Variants in CSMD1 observed in about 807,000 individuals in gnomAD.
CSMD1 encodes the protein CUB and Sushi multiple domains 1.
CSMD1 carries 213 observed loss-of-function variants against 417.5 expected under a neutral mutation model. That is an observed-to-expected ratio of 0.51 (90% CI 0.46 to 0.57). CSMD1 has a LOEUF of 0.57. Ranked by LOEUF, CSMD1 falls within the 20% of genes least tolerant of loss-of-function variation. The pLI is 0.00. For synonymous variants in CSMD1, 2,862 were observed against 1,736.8 expected (o/e 1.65, Z -16.11); for missense variants, 6,923 against 4,529.7 (o/e 1.53, Z -15.17).
intron 11 of CSMD1, among the ~76,000 whole-genome samples, chr8:3,486,181 C>A (rs534896770): frequency 6.6e-6 from 1 of 152,174 alleles, no homozygotes; most frequent in South Asian, 2.1e-4. Flanking sequence ...TGGCAGAACT[C>A]TGGATGTTTT....
chr8:4,690,929 A>T (rs527690742), intron 1 of CSMD1, among the ~76,000 whole-genome samples: 33 of 152,244 alleles, frequency 2.2e-4, no homozygotes, highest in Admixed American at 2.0e-3. Flanking sequence ...GGGTTTCACC[A>T]TGTTGGCCAG....
At chr8:4,754,885 T>C (rs28658368) in intron 1 of CSMD1, among the ~76,000 whole-genome samples, 1,886 of 151,374 alleles carry the variant, frequency 0.012, 29 homozygotes, top group African/African-American at 0.044. Context: ...ACACCTGTAA[T>C]CCAAGCACTT....
At chr8:3,926,216 GTTGAT>G (rs1809716343) in intron 5 of CSMD1, among the ~76,000 whole-genome samples, 2 of 152,008 alleles carry the variant, frequency 1.3e-5, no homozygotes, top group African/African-American at 2.4e-5. Context: ...AATAACGTAT[GTTGAT>G]TTATTTCCTC....
Position 4,374,961 on chromosome 8 carries a change from T to TGGGTGG in CSMD1, c.415+44991_415+44992insCCACCC, listed in dbSNP as rs1554450668. On this transcript the variant is annotated intron_variant, in intron 3 of 69. Transcript: ENST00000635120. ...AATGATTAAACAGACAAAGGTGGGG[T>TGGGTGG]GGGGGGGGGGGGCGATAGTGGGGGT... is the stretch of plus-strand genomic sequence containing the variant. 7.4e-3 allele frequency among the ~76,000 whole-genome samples: 140 copies of TGGGTGG among 18,856 alleles called. 5 individuals are homozygous for TGGGTGG. The highest frequency in any genetic ancestry group is 0.035 in the African/African-American group (113 of 3,274). The allele number at this position is 18,856 out of a possible 152,430, so 12.4% of individuals were successfully genotyped here. A position where few individuals can be genotyped will look rare whatever the true frequency, so the allele number is the denominator to read the frequency against.
At chr8:4,428,122 T>G (rs1481632723) in intron 2 of CSMD1, among the ~76,000 whole-genome samples, 2 of 152,152 alleles carry the variant, frequency 1.3e-5, no homozygotes, top group Admixed American at 6.6e-5. Context: ...CTGATGCCTG[T>G]TTTCCTCCTC....
At chr8:4,569,091 C>A (rs1453634939) in intron 2 of CSMD1, among the ~76,000 whole-genome samples, 1 of 151,936 alleles carries the variant, frequency 6.6e-6, no homozygotes, top group Non-Finnish European at 1.5e-5. Context: ...TCACTGTTCA[C>A]TGTGATGATA....
intron 1 of CSMD1, among the ~76,000 whole-genome samples, chr8:4,688,046 T>C (rs917351654): frequency 6.6e-6 from 1 of 152,202 alleles, no homozygotes; most frequent in African/African-American, 2.4e-5. Context: ...TGATATCTAA[T>C]TGATTGCCCT....
At chr8:4,330,978 T>C (rs370710662) in intron 3 of CSMD1, among the ~76,000 whole-genome samples, 31 of 152,250 alleles carry the variant, frequency 2.0e-4, no homozygotes, top group African/African-American at 7.0e-4. Flanking sequence ...CCCCGACATA[T>C]ACAGCCGCCT....
At chr8:3,133,149 C>A (rs1817885990) in intron 41 of CSMD1, among the ~76,000 whole-genome samples, 1 of 152,214 alleles carries the variant, frequency 6.6e-6, no homozygotes, top group South Asian at 2.1e-4. Context: ...CACAGCTTCT[C>A]CTCAGCGACC....
At chr8:3,917,683 C>T (rs1808922285) in intron 5 of CSMD1, among the ~76,000 whole-genome samples, 2 of 152,140 alleles carry the variant, frequency 1.3e-5, no homozygotes, top group South Asian at 2.1e-4. Flanking sequence ...ACATGTAATG[C>T]CATGAACTAG....
intron 5 of CSMD1, among the ~76,000 whole-genome samples, chr8:3,766,016 A>G (rs1177048981): frequency 1.3e-5 from 2 of 152,228 alleles, no homozygotes; most frequent in Non-Finnish European, 2.9e-5. Context: ...AGAGGATGTG[A>G]CAAAGCCCAT....
In CSMD1 at chr8:4,194,801, G is replaced by C. The variant is rs757772181; in HGVS notation, c.416-162702C>G. ...TTCACAACCTTCATGAGACTCTTTG[G>C]TCACTATGAGTTCTGCAAAGAAAAA... On this transcript the variant is annotated intron_variant, in intron 3 of 69. Coordinates refer to ENST00000635120, the MANE Select transcript of CSMD1 (RefSeq NM_033225.6). Among the ~76,000 whole-genome samples, 4 of 151,724 alleles carry C rather than the reference G, an allele frequency of 2.6e-5. No homozygotes were observed. The South Asian group carries it at 8.4e-4, about 32-fold the overall frequency.
At position 4,876,564 on chromosome 8, in the gene CSMD1, G is replaced by A. The variant is rs145348146; in HGVS notation, c.85+117768C>T. ...TTTCAATGCTTTCTCAATTTTCACC[G>A]TACAAGGATGCTTATTCATAATATA... On this transcript the variant is annotated intron_variant, in intron 1 of 69. Coordinates refer to ENST00000635120, the MANE Select transcript of CSMD1 (RefSeq NM_033225.6). 2.4e-3 allele frequency among the ~76,000 whole-genome samples: 359 copies of A among 152,138 alleles called. 7 individuals are homozygous for A. Among genetic ancestry groups the A allele is most frequent in the African/African-American group, 8.1e-3 (336 of 41,466 alleles).
intron 1 of CSMD1, among the ~76,000 whole-genome samples, chr8:4,669,039 A>G (rs1805126888): frequency 6.6e-6 from 1 of 151,974 alleles, no homozygotes; most frequent in Non-Finnish European, 1.5e-5. Context: ...TATTACTTTC[A>G]TCTTATATTT....
chr8:3,816,025 C>T (rs1045793941), intron 5 of CSMD1, among the ~76,000 whole-genome samples: 1 of 152,178 alleles, frequency 6.6e-6, no homozygotes, highest in African/African-American at 2.4e-5. Flanking sequence ...AAGATATTGT[C>T]TGTGTTATTA....
At chr8:3,831,222 T>C (rs953492119) in intron 5 of CSMD1, among the ~76,000 whole-genome samples, 9 of 152,160 alleles carry the variant, frequency 5.9e-5, no homozygotes, top group African/African-American at 2.2e-4. Context: ...TGTGGAAAGT[T>C]AAATAAAAAA....
chr8:4,076,449 T>C (rs770471004), intron 3 of CSMD1, among the ~76,000 whole-genome samples: 16 of 152,234 alleles, frequency 1.1e-4, no homozygotes, highest in Non-Finnish European at 2.1e-4. Flanking sequence ...TTATGGAATA[T>C]TTTAACTGTA....
At chr8:4,674,883 G>T (rs1391019697) in intron 1 of CSMD1, among the ~76,000 whole-genome samples, 1 of 152,138 alleles carries the variant, frequency 6.6e-6, no homozygotes, top group Non-Finnish European at 1.5e-5. Context: ...ACGTTAGAAG[G>T]TGGAGACTCT....
At chr8:3,886,310 A>C (rs1297002026) in intron 5 of CSMD1, among the ~76,000 whole-genome samples, 2 of 152,162 alleles carry the variant, frequency 1.3e-5, no homozygotes, top group Non-Finnish European at 2.9e-5. Flanking sequence ...CAGCCTCTCA[A>C]AGTGCTGGGA....
Sources: allele counts gnomAD v4.1 joint callset (sites outside exome capture counted in the v4.1 genomes callset), GRCh38; gene constraint gnomAD v4.1.1; transcripts MANE v1.5; gene names NCBI Gene and HGNC (gene_info 2026-07-23, HGNC 2026-07-21).